PDE4D: variants seen among roughly 807,000 people sequenced by gnomAD.
PDE4D encodes the protein phosphodiesterase 4D, also known as 3',5'-cyclic-AMP phosphodiesterase 4D.
PDE4D carries 24 observed loss-of-function variants against 87.4 expected under a neutral mutation model. The ratio of observed to expected loss-of-function variants is 0.27; its 90% CI spans 0.20 to 0.39. The LOEUF is 0.39. PDE4D is among the 10% of genes least tolerant of loss of function. The probability of loss-of-function intolerance (pLI) is 1.00; values close to 1 mark genes in which losing one functional copy is unlikely to be tolerated. For missense variants in PDE4D, 714 were observed against 1,041.0 expected (o/e 0.69, Z 4.32); for synonymous variants, 384 against 383.2 (o/e 1.00, Z -0.02).
At chr5:59,437,711 A>G (rs114064253) in intron 1 of PDE4D, among the ~76,000 whole-genome samples, 2,390 of 152,256 alleles carry the variant, frequency 0.016, 78 homozygotes, top group African/African-American at 0.055. Context: ...CTAGGAAAAA[A>G]AAAAAGCATA....
intron 5 of PDE4D, among the ~76,000 whole-genome samples, chr5:59,047,294 A>G (rs1760859118): frequency 6.6e-6 from 1 of 152,222 alleles, no homozygotes; most frequent in Non-Finnish European, 1.5e-5. Flanking sequence ...TCAAGGAATG[A>G]ACAGGGATTC....
chr5:59,133,102 A>G (rs1479564842), intron 5 of PDE4D, among the ~76,000 whole-genome samples: 1 of 152,194 alleles, frequency 6.6e-6, no homozygotes, highest in Admixed American at 6.5e-5. Flanking sequence ...TACAATATAT[A>G]TATACACACA....
At chr5:59,318,018 T>G (rs1339504502) in intron 1 of PDE4D, among the ~76,000 whole-genome samples, 1 of 152,192 alleles carries the variant, frequency 6.6e-6, no homozygotes, top group Non-Finnish European at 1.5e-5. Flanking sequence ...TCTTACTTCC[T>G]CCTTTTAAGA....
At position 60,406,665 on chromosome 5, in the gene PDE4D, G is replaced by C. The variant is rs144027515; in HGVS notation, c.-90+81277C>G. On this transcript the variant is annotated intron_variant, in intron 1 of 16. Coordinates refer to the PDE4D transcript ENST00000502484. The stretch of plus-strand genomic sequence containing the variant: ...AGTTTAATGTAAAACTCCCAAAATA[G>C]TAATATTACAATTGTGTTTCTTTAT... 2.4e-3 allele frequency among the ~76,000 whole-genome samples: 365 copies of C among 152,164 alleles called. 4 individuals are homozygous for C. The highest frequency in any genetic ancestry group is 8.3e-3 in the African/African-American group (346 of 41,510).
chr5:60,127,696 C>A, intron 2 of PDE4D: 1 of 593,336 alleles, frequency 1.7e-6, no homozygotes, highest in South Asian at 2.1e-5. Flanking sequence ...GAGGGGAAAA[C>A]AGAATTTCAG....
intron 1 of PDE4D, among the ~76,000 whole-genome samples, chr5:60,495,608 A>C (rs563809257): frequency 2.0e-4 from 31 of 152,360 alleles, no homozygotes; most frequent in African/African-American, 6.3e-4. Context: ...ATCAGAATCA[A>C]TCCCAACTTC....
intron 1 of PDE4D, among the ~76,000 whole-genome samples, chr5:60,377,230 G>T (rs1248570383): frequency 1.3e-5 from 2 of 152,090 alleles, no homozygotes; most frequent in Non-Finnish European, 2.9e-5. Flanking sequence ...ACACTATGAG[G>T]ACAAAGACTA....
At chr5:59,547,743 T>C (rs1349878597) in intron 1 of PDE4D, among the ~76,000 whole-genome samples, 2 of 152,208 alleles carry the variant, frequency 1.3e-5, no homozygotes, top group Non-Finnish European at 2.9e-5. Context: ...ATACTTGTCA[T>C]GCATCTTCTC....
intron 1 of PDE4D, among the ~76,000 whole-genome samples, chr5:59,864,402 T>C (rs1216537200): frequency 6.6e-6 from 1 of 152,216 alleles, no homozygotes; most frequent in Non-Finnish European, 1.5e-5. Flanking sequence ...TTCTGTGAAT[T>C]GACTCTAACA....
chr5:58,990,923 AG>A, intron 8 of PDE4D, 21 bp from the exon 9 acceptor site: 4 of 1,231,850 alleles, frequency 3.2e-6, no homozygotes, highest in South Asian at 2.7e-5. Flanking sequence ...AAAAAAAAAA[AG>A]ATACTAAAAT....
intron 1 of PDE4D, among the ~76,000 whole-genome samples, chr5:59,556,414 A>T (rs78693747): frequency 6.6e-6 from 1 of 152,156 alleles, no homozygotes; most frequent in Admixed American, 6.6e-5. Context: ...CTGAAATATT[A>T]GAGTGGAGAG....
At chr5:59,070,193 A>G (rs1215977674) in intron 5 of PDE4D, among the ~76,000 whole-genome samples, 1 of 152,340 alleles carries the variant, frequency 6.6e-6, no homozygotes, top group South Asian at 2.1e-4. Flanking sequence ...CTTAGCAACT[A>G]TGTTATCTCC....
chr5:60,332,974 A>G (rs761071781), intron 1 of PDE4D, among the ~76,000 whole-genome samples: 9 of 152,194 alleles, frequency 5.9e-5, no homozygotes, highest in Non-Finnish European at 1.3e-4. Flanking sequence ...GGGCATATGC[A>G]AAGCTTGGTG....
At chr5:59,535,073 G>T (rs1367083912) in intron 1 of PDE4D, among the ~76,000 whole-genome samples, 1 of 85,288 alleles carries the variant, frequency 1.2e-5, no homozygotes, top group African/African-American at 3.7e-5. Flanking sequence ...GTGTGTGTGT[G>T]TGTGGGGGGG....
intron 1 of PDE4D, among the ~76,000 whole-genome samples, chr5:59,382,537 A>C (rs1562072281): frequency 6.6e-6 from 1 of 152,316 alleles, no homozygotes; most frequent in African/African-American, 2.4e-5. Context: ...CACTCTCTGT[A>C]AATAATGCTT....
intron 2 of PDE4D, among the ~76,000 whole-genome samples, chr5:60,037,042 T>C (rs1582294022): frequency 6.6e-6 from 1 of 152,314 alleles, no homozygotes; most frequent in East Asian, 1.9e-4. Flanking sequence ...AGAGACCAGA[T>C]CACATGCACT....
intron 1 of PDE4D, among the ~76,000 whole-genome samples, chr5:59,847,901 A>G (rs1365473415): frequency 1.3e-5 from 2 of 152,134 alleles, no homozygotes; most frequent in African/African-American, 4.8e-5. Context: ...TACTGTGAAT[A>G]TCATAAATAC....
At chr5:60,168,421 A>G (rs1210374480) in intron 2 of PDE4D, among the ~76,000 whole-genome samples, 1 of 152,068 alleles carries the variant, frequency 6.6e-6, no homozygotes, top group African/African-American at 2.4e-5. Flanking sequence ...TTTCTAACTA[A>G]CCATTCCACT....
intron 1 of PDE4D, among the ~76,000 whole-genome samples, chr5:59,700,000 A>T (rs1426531424): frequency 6.6e-6 from 1 of 152,170 alleles, no homozygotes; most frequent in Non-Finnish European, 1.5e-5. Context: ...TTGAGTAGAT[A>T]TATTTAATCT....
Sources: allele counts gnomAD v4.1 joint callset (sites outside exome capture counted in the v4.1 genomes callset), GRCh38; gene constraint gnomAD v4.1.1; transcripts MANE v1.5; gene names NCBI Gene and HGNC (gene_info 2026-07-23, HGNC 2026-07-21).